The following IQANK1 variants were observed in gnomAD, a reference collection of about 807,000 sequenced individuals.
IQANK1 encodes the protein IQ motif and ankyrin repeat domain-containing protein 1.
In IQANK1, 30 loss-of-function variants were observed where a neutral mutation model predicts 22.6. The ratio of observed to expected loss-of-function variants is 1.33; its 90% CI spans 0.99 to 1.80. The LOEUF is 1.80. Ranked by LOEUF, IQANK1 falls within the 40% of genes most tolerant of loss-of-function variation. The probability of loss-of-function intolerance (pLI) is 0.00; values close to 1 mark genes in which losing one functional copy is unlikely to be tolerated. For synonymous variants in IQANK1, 122 were observed against 99.6 expected, an observed-to-expected ratio of 1.23 and a Z score of -1.34; for missense variants, 275 against 235.2, an observed-to-expected ratio of 1.17 and a Z score of -1.11.
At chr8:143,746,068 T>C (rs1195820512) in intron 3 of IQANK1, 1 of 152,170 alleles carries the variant, frequency 6.6e-6, no homozygotes, top group Admixed American at 6.5e-5. Context: ...ATCTTTAGGG[T>C]TTTCTATTCA....
chr8:143,754,851 C>T (rs752163074), intron 3 of IQANK1, among the ~76,000 whole-genome samples: 1 of 152,126 alleles, frequency 6.6e-6, no homozygotes, highest in South Asian at 2.1e-4. Context: ...TGGTCTCGAT[C>T]TCTTGACTTC....
chr8:143,771,747 G>A lies in IQANK1; in HGVS notation c.307-54G>A, dbSNP rs1254602454. 1.0e-5 allele frequency: 4 copies of A among 397,080 alleles called. No homozygotes were observed. The highest frequency in any genetic ancestry group is 1.8e-5 in the Non-Finnish European group (4 of 225,340). The allele number at this position is 397,080 out of a possible 1,614,324, so 24.6% of individuals were successfully genotyped here. A position where few individuals can be genotyped will look rare whatever the true frequency, so the allele number is the denominator to read the frequency against. On this transcript the variant is annotated intron_variant, in intron 4 of 13. Transcript: ENST00000527139. This position sits in a 1 kb window ranked among gnomAD's most constrained non-coding sequence, Gnocchi z 6.0. ...CCTCAGAGGCGTGGACCGTGGCCTC[G>A]GGGCTCGGGGCGGTGGCGCGGAGTG...
At chr8:143,741,341 GGA>G (rs1818908258) in intron 3 of IQANK1, among the ~76,000 whole-genome samples, 1 of 152,206 alleles carries the variant, frequency 6.6e-6, no homozygotes, top group South Asian at 2.1e-4. Flanking sequence ...CACAGAGCCA[GGA>G]GCTGCATCCT....
At chr8:143,763,080 G>A (rs946513628) in intron 3 of IQANK1, among the ~76,000 whole-genome samples, 2 of 151,222 alleles carry the variant, frequency 1.3e-5, no homozygotes, top group Admixed American at 6.6e-5. Flanking sequence ...GCAGTGGTGC[G>A]ATCTCAGCTC....
At position 143,789,229 on chromosome 8, in the gene IQANK1, C is replaced by A. The variant is rs537601528; in HGVS notation, c.979C>A (p.Gln327Lys). 2.5e-6 allele frequency: 1 copy of A among 399,458 alleles called. No homozygotes were observed. The highest frequency in any genetic ancestry group is 3.6e-5 in the East Asian group (1 of 28,064). The allele number at this position is 399,458 out of a possible 1,614,324, so 24.7% of individuals were successfully genotyped here. ...KVQQLTREQQ[Q>K]CHKELQQAYC... ...CCAACAGCTGACCAGGGAGCAGCAG[C>A]AGTGTCACAAGGAGGTGAGTGTGAC... Residue 327 changes from glutamine (Q) to lysine (K), a missense_variant, in exon 9 of 14, where the codon CAG becomes AAG. Gln to Lys is a moderately conservative substitution (Grantham distance 53). Transcript: ENST00000527139.
At chr8:143,770,633 G>A (rs1292356329) in intron 3 of IQANK1, among the ~76,000 whole-genome samples, 5 of 152,254 alleles carry the variant, frequency 3.3e-5, no homozygotes, top group Admixed American at 3.3e-4. Flanking sequence ...AGACCCAGCT[G>A]CGCTGCCTGC....
chr8:143,784,748 AACACTTCT>A (rs11277867), intron 7 of IQANK1, among the ~76,000 whole-genome samples: 35,955 of 151,828 alleles, frequency 0.24, 4,572 homozygotes, highest in East Asian at 0.51. Flanking sequence ...GTCTAGCACA[AACACTTCT>A]ACTTATAGCT....
At position 143,774,640 on chromosome 8, in the gene IQANK1, A is replaced by G. The variant is rs559231025; in HGVS notation, c.789+2158A>G. ...CACATTTACCATGTAACACAGCATC[A>G]GACTCCTAGACATTTGCTCCAGTAA... On this transcript the variant is annotated intron_variant, in intron 7 of 13. Coordinates refer to ENST00000527139, the MANE Select transcript of IQANK1 (RefSeq NM_001381874.1). This position sits in a 1 kb window ranked among gnomAD's most constrained non-coding sequence, Gnocchi z 4.2. 6.6e-6 allele frequency among the ~76,000 whole-genome samples: 1 copy of G among 152,344 alleles called. No homozygotes were observed. The highest frequency in any genetic ancestry group is 2.1e-4 in the South Asian group (1 of 4,832).
chr8:143,771,466 C>G lies in IQANK1; in HGVS notation c.176-22C>G. ...GTGGCTGGAGGCGAGAACGCGCCCC[C>G]GTGAGCCTCTCCCCACCCCAGGGCC... On this transcript the variant is annotated intron_variant, in intron 3 of 13. Transcript: ENST00000527139. The surrounding 1 kb of genome is among the most constrained non-coding windows in gnomAD (Gnocchi z 6.0). 2.5e-6 allele frequency: 1 copy of G among 397,426 alleles called. No individual in the cohort carries two copies. Among genetic ancestry groups the G allele is most frequent in the East Asian group, 3.6e-5 (1 of 27,994 alleles). The allele number at this position is 397,426 out of a possible 1,614,324, so 24.6% of individuals were successfully genotyped here.
chr8:143,781,396 C>T (rs782452982), intron 7 of IQANK1, among the ~76,000 whole-genome samples: 21 of 152,016 alleles, frequency 1.4e-4, no homozygotes, highest in Admixed American at 7.9e-4. Flanking sequence ...AATTTTTGCC[C>T]GTTCTTATGT....
At chr8:143,775,501 C>G (rs1010246753) in intron 7 of IQANK1, among the ~76,000 whole-genome samples, 2 of 152,064 alleles carry the variant, frequency 1.3e-5, no homozygotes, top group Non-Finnish European at 2.9e-5. Context: ...TGGCTCACAC[C>G]TGTCATCCCA....
rs1245393234 is a variant in IQANK1 at position 143,735,131 on chromosome 8, G to A, written c.-4-719G>A. 6.6e-6 allele frequency among the ~76,000 whole-genome samples: 1 copy of A among 152,220 alleles called. No individual in the cohort carries two copies. Among genetic ancestry groups the A allele is most frequent in the East Asian group, 1.9e-4 (1 of 5,196 alleles). ...TTTGTTCTTTCCCCAAACACTCAGT[G>A]CCACCCCACTGGTACCAGCATGCTG... On this transcript the variant is annotated intron_variant, in intron 1 of 13. Coordinates refer to ENST00000527139, the MANE Select transcript of IQANK1 (RefSeq NM_001381874.1). This position sits in a 1 kb window ranked among gnomAD's most constrained non-coding sequence, Gnocchi z 5.2.
At chr8:143,760,025 C>T (rs965415481) in intron 3 of IQANK1, among the ~76,000 whole-genome samples, 61 of 152,278 alleles carry the variant, frequency 4.0e-4, no homozygotes, top group African/African-American at 1.4e-3. Flanking sequence ...GATCCCTGAC[C>T]GTCAGCCACC....
At chr8:143,761,883 T>C (rs1477696252) in intron 3 of IQANK1, among the ~76,000 whole-genome samples, 1 of 88,700 alleles carries the variant, frequency 1.1e-5, no homozygotes, top group East Asian at 2.6e-4. Context: ...AAATATATCC[T>C]AACATATATG....
rs944345590 is a variant in IQANK1 at position 143,742,056 on chromosome 8, C to G, written c.175+2108C>G. 5 of 297,838 alleles carry G rather than the reference C, an allele frequency of 1.7e-5. No individual in the cohort carries two copies. The East Asian group carries it at 3.2e-4, about 19-fold the overall frequency. 18.4% of individuals were successfully genotyped at this position (297,838 alleles called of 1,614,324 possible). ...TGATGTCCACGAGCCTGTCTGTGCCCTCGCTGCGGCCGACTCTCTCTAGGA... is the reference window on the plus strand; with the variant it reads ...TGATGTCCACGAGCCTGTCTGTGCCGTCGCTGCGGCCGACTCTCTCTAGGA... On this transcript the variant is annotated intron_variant, in intron 3 of 13. Transcript: ENST00000527139.
chr8:143,774,060 G>A lies in IQANK1; in HGVS notation c.789+1578G>A, dbSNP rs1057184303. On this transcript the variant is annotated intron_variant, in intron 7 of 13. Transcript: ENST00000527139. The surrounding 1 kb of genome is among the most constrained non-coding windows in gnomAD (Gnocchi z 4.2). The stretch of plus-strand genomic sequence containing the variant: ...CACCTATAAAAAATGAACTCAAAGT[G>A]GATTATAGATTTAAATGTAAAGGGT... Among the ~76,000 whole-genome samples the A allele has an allele frequency of 4.6e-5, 7 of 152,018 alleles. No homozygotes were observed. The highest frequency in any genetic ancestry group is 1.9e-4 in the East Asian group (1 of 5,194).
In IQANK1 at chr8:143,752,005, G is replaced by T. The variant is rs566198985; in HGVS notation, c.175+12057G>T. ...TTTTGAGAGAGAGACTTGCTCTGTT[G>T]CCCAGGCTGGAGTGCAATGGCACAA... is the stretch of plus-strand genomic sequence containing the variant. On this transcript the variant is annotated intron_variant, in intron 3 of 13. Transcript: ENST00000527139. Among the ~76,000 whole-genome samples, 7 of 151,488 alleles carry T rather than the reference G, an allele frequency of 4.6e-5. 1 individual carries two copies. The South Asian group carries it at 1.5e-3, about 32-fold the overall frequency.
intron 7 of IQANK1, among the ~76,000 whole-genome samples, chr8:143,776,194 G>A (rs1006290172): frequency 4.6e-5 from 7 of 151,672 alleles, no homozygotes; most frequent in Admixed American, 1.3e-4. Context: ...GGTGGCGGGC[G>A]CCTGTAGTCC....
At chr8:143,788,228 G>T (rs569089612) in intron 7 of IQANK1, among the ~76,000 whole-genome samples, 2 of 152,226 alleles carry the variant, frequency 1.3e-5, no homozygotes, top group African/African-American at 4.8e-5. Context: ...GCGTGATGCC[G>T]GGACTGGCCC....
Sources: gnomAD v4.1 joint callset for allele counts (sites outside exome capture counted in the v4.1 genomes callset) on GRCh38, gnomAD v4.1.1 for gene constraint, Gnocchi (gnomAD v3.1) non-coding constraint, MANE v1.5 for transcripts, NCBI Gene and HGNC (gene_info 2026-07-23, HGNC 2026-07-21) for gene names.